The following KIAA0319L variants were observed in gnomAD, a reference collection of about 807,000 sequenced individuals.
The protein encoded by KIAA0319L is dyslexia-associated protein KIAA0319-like protein.
KIAA0319L carries 55 observed loss-of-function variants against 120.1 expected under a neutral mutation model. That is an observed-to-expected ratio of 0.46 (90% CI 0.37 to 0.57). The LOEUF is 0.57. Among genes scored for constraint, KIAA0319L ranks in the 20% least tolerant of loss-of-function variants. The pLI, the probability that KIAA0319L is intolerant of heterozygous loss-of-function variation, is 0.00. For missense variants in KIAA0319L, 1,049 were observed against 1,255.3 expected, an observed-to-expected ratio of 0.84 and a Z score of 2.48; for synonymous variants, 398 against 471.9, an observed-to-expected ratio of 0.84 and a Z score of 2.03.
At chr1:35,479,662 T>C (rs1198510964) in intron 3 of KIAA0319L, among the ~76,000 whole-genome samples, 2 of 151,876 alleles carry the variant, frequency 1.3e-5, no homozygotes, top group Admixed American at 1.3e-4. Flanking sequence ...TCCCAACACT[T>C]TGGGAGGCCA....
chr1:35,451,843 G>A lies in KIAA0319L; in HGVS notation c.1914-67C>T, dbSNP rs1488405738. The A allele has an allele frequency of 2.6e-6, 4 of 1,523,338 alleles. No homozygotes were observed. In the African/African-American group the frequency reaches 4.1e-5, roughly 16 times the overall value. The allele number at this position is 1,523,338 out of a possible 1,614,324, so 94.4% of individuals were successfully genotyped here. A position where few individuals can be genotyped will look rare whatever the true frequency, so the allele number is the denominator to read the frequency against. ...CTGCTGTCCTGTCCCTAACTTAGCA[G>A]GAGGAGACAATGACTCCCTCAGCAA... On this transcript the variant is annotated intron_variant, in intron 12 of 20. Transcript: ENST00000325722.
chr1:35,555,958 C>T (rs1647945172), intron 1 of KIAA0319L, among the ~76,000 whole-genome samples: 1 of 152,216 alleles, frequency 6.6e-6, no homozygotes, highest in Non-Finnish European at 1.5e-5. Flanking sequence ...TTCATTTGAA[C>T]TCCTAACCAG....
At chr1:35,556,737 C>A (rs1230423076) in intron 1 of KIAA0319L, 1 of 152,254 alleles carries the variant, frequency 6.6e-6, no homozygotes, top group Non-Finnish European at 1.5e-5. Context: ...TTTGTGCTCA[C>A]TGCAGCCACT....
At position 35,444,251 on chromosome 1, in the gene KIAA0319L, C is replaced by G; in HGVS notation, c.2566G>C (p.Gly856Arg). 1 of 1,608,908 alleles carries G rather than the reference C, an allele frequency of 6.2e-7. No homozygotes were observed. Among genetic ancestry groups the G allele is most frequent in the Non-Finnish European group, 8.5e-7 (1 of 1,177,986 alleles). ...QNEPPHQIFK[G>R]HEVAAMLKSE... ...TTGAGCATCGCTGCCACCTCATGGCCTTTGAAGATCTGGTGGGGAGGCTCG... is the reference window on the plus strand; with the variant it reads ...TTGAGCATCGCTGCCACCTCATGGCGTTTGAAGATCTGGTGGGGAGGCTCG... Residue 856 changes from glycine (G) to arginine (R), a missense_variant, in exon 17 of 21, where the codon GGC (glycine) becomes CGC (arginine). Gly to Arg is a moderately radical substitution (Grantham distance 125). Coordinates refer to ENST00000325722, the MANE Select transcript of KIAA0319L (RefSeq NM_024874.5).
chr1:35,547,359 T>C (rs75361293), intron 2 of KIAA0319L, among the ~76,000 whole-genome samples: 1,881 of 150,902 alleles, frequency 0.012, 46 homozygotes, highest in African/African-American at 0.04. Context: ...ATTGTACTAT[T>C]TATATGTAAA....
At chr1:35,440,941 G>C in intron 20 of KIAA0319L, 106 bp downstream of exon 20, 6 of 901,550 alleles carry the variant, frequency 6.7e-6, no homozygotes, top group Non-Finnish European at 1.1e-5. Context: ...AAAATGCTTT[G>C]CAAGCACAGT....
At chr1:35,477,847 T>C (rs1469583559) in intron 4 of KIAA0319L, among the ~76,000 whole-genome samples, 1 of 151,992 alleles carries the variant, frequency 6.6e-6, no homozygotes, top group Non-Finnish European at 1.5e-5. Flanking sequence ...GTTTGGAGGT[T>C]CCTCAAAAAA....
At chr1:35,459,131 AGAG>A (rs1642704364) in intron 9 of KIAA0319L, among the ~76,000 whole-genome samples, 1 of 152,196 alleles carries the variant, frequency 6.6e-6, no homozygotes, top group Admixed American at 6.5e-5. Flanking sequence ...CAATAGGGAA[AGAG>A]GAGAGCCATA....
rs775910041 is a variant in KIAA0319L, at chr1:35,460,340, T to G, written c.1392A>C (p.Lys464Asn). 2.5e-6 allele frequency: 4 copies of G among 1,613,508 alleles called. No individual in the cohort carries two copies. The African/African-American group carries it at 5.3e-5, about 22-fold the overall frequency. The change falls in exon 9 of 21, where the codon AAA becomes AAC. Residue 464 changes from lysine (K) to asparagine (N), a missense_variant. By Grantham distance (94) the Lys-to-Asn change is moderately conservative. Transcript: ENST00000325722. Reference sequence around the variant, plus strand: ...AGTTCCCAGGGACGAGTTTACTTAGTTTTAATATGGCTGTATCTTCAGAAA... The same window carrying G: ...AGTTCCCAGGGACGAGTTTACTTAGGTTTAATATGGCTGTATCTTCAGAAA... The part of the protein sequence containing the change: ...EKISEDTAIL[K>N]LSKLVPGNYT...
At chr1:35,472,450 T>G (rs1399021554) in intron 5 of KIAA0319L, among the ~76,000 whole-genome samples, 1 of 151,256 alleles carries the variant, frequency 6.6e-6, no homozygotes, top group Non-Finnish European at 1.5e-5. Context: ...TACCACCACG[T>G]CTGGCTAATT....
At chr1:35,448,674 G>C (rs1266003585) in intron 15 of KIAA0319L, among the ~76,000 whole-genome samples, 1 of 152,148 alleles carries the variant, frequency 6.6e-6, no homozygotes, top group Non-Finnish European at 1.5e-5. Context: ...TGGCAGTGCT[G>C]AGCAATCCAG....
At chr1:35,505,077 T>C (rs1432227019) in intron 3 of KIAA0319L, among the ~76,000 whole-genome samples, 1 of 152,222 alleles carries the variant, frequency 6.6e-6, no homozygotes, top group Admixed American at 6.5e-5. Flanking sequence ...ACACCTTAGT[T>C]TGTATTAGGT....
rs768254319 is a variant in KIAA0319L at position 35,470,932 on chromosome 1, C to T, written c.1044G>A (p.Leu348=). 1 of 1,612,532 alleles carries T rather than the reference C, an allele frequency of 6.2e-7. No individual in the cohort carries two copies. The highest frequency in any genetic ancestry group is 8.5e-7 in the Non-Finnish European group (1 of 1,178,520). ...KGETYTYDWQ[L]ITHPRDYSGE... ...CACTGTAGTCTCTAGGATGAGTAAT[C>T]AGCTGCCAGTCGTAGGTGTAGGTTT... Residue 348 remains leucine, a synonymous_variant, in exon 6 of 21, where the codon CTG becomes CTA. Transcript: ENST00000325722.
chr1:35,498,133 G>A (rs914776578), intron 3 of KIAA0319L, among the ~76,000 whole-genome samples: 3 of 152,168 alleles, frequency 2.0e-5, no homozygotes, highest in African/African-American at 7.2e-5. Flanking sequence ...AGGAGTTCGA[G>A]ACCAGCCTGG....
chr1:35,487,538 G>A (rs561399715), intron 3 of KIAA0319L, among the ~76,000 whole-genome samples: 2 of 152,248 alleles, frequency 1.3e-5, no homozygotes, highest in East Asian at 1.9e-4. Flanking sequence ...AAGGCACCAC[G>A]CCCAGCCTGG....
chr1:35,479,001 T>C lies in KIAA0319L; in HGVS notation c.878A>G (p.Gln293Arg). The change falls in exon 4 of 21, where the codon CAG becomes CGG. Residue 293 changes from glutamine to arginine, a missense_variant. Physicochemically the swap from Gln to Arg is conservative, Grantham distance 43. Coordinates refer to ENST00000325722, the MANE Select transcript of KIAA0319L (RefSeq NM_024874.5). The stretch of plus-strand genomic sequence containing the variant: ...TGCTGAGGTGCTCTGGAAAGAGGCC[T>C]GGGGGGTAGGGGTAGCATAACTGTA... Reference protein sequence around the residue: ...PSYSYATPTPQASFQSTSAPY... With the variant: ...PSYSYATPTPRASFQSTSAPY... The C allele has an allele frequency of 6.2e-7, 1 of 1,614,056 alleles. No homozygotes were observed. The highest frequency in any genetic ancestry group is 8.5e-7 in the Non-Finnish European group (1 of 1,179,960).
At chr1:35,488,967 A>T (rs1270380663) in intron 3 of KIAA0319L, among the ~76,000 whole-genome samples, 1 of 152,222 alleles carries the variant, frequency 6.6e-6, no homozygotes, top group Non-Finnish European at 1.5e-5. Context: ...AAGAGAGACA[A>T]ACGAATGGTA....
At chr1:35,531,298 T>C (rs919941772) in intron 2 of KIAA0319L, among the ~76,000 whole-genome samples, 2 of 152,208 alleles carry the variant, frequency 1.3e-5, no homozygotes, top group African/African-American at 2.4e-5. Context: ...TACACTGCCC[T>C]TTCCCTGGTA....
intron 3 of KIAA0319L, among the ~76,000 whole-genome samples, chr1:35,484,803 TATA>T (rs1256798605): frequency 0.26 from 7,571 of 29,500 alleles, 471 homozygotes; most frequent in Non-Finnish European, 0.29. Context: ...TATATATATA[TATA>T]TTTTTTTTTT....
Sources: allele counts gnomAD v4.1 joint callset (sites outside exome capture counted in the v4.1 genomes callset), GRCh38; gene constraint gnomAD v4.1.1; transcripts MANE v1.5; gene names NCBI Gene and HGNC (gene_info 2026-07-23, HGNC 2026-07-21).